The following DPP6 variants were observed in gnomAD, a reference collection of about 807,000 sequenced individuals.
The protein encoded by DPP6 is A-type potassium channel modulatory protein DPP6.
A neutral mutation model predicts 122.6 loss-of-function variants in DPP6; 69 were observed. The ratio of observed to expected loss-of-function variants is 0.56; its 90% confidence interval spans 0.46 to 0.69. The LOEUF is 0.69. DPP6 is among the 30% of genes least tolerant of loss of function. The pLI is 0.00. For synonymous variants in DPP6, 418 were observed against 433.1 expected, an observed-to-expected ratio of 0.97 and a Z score of 0.43; for missense variants, 928 against 1,116.9, an observed-to-expected ratio of 0.83 and a Z score of 2.41.
At chr7:154,611,855 A>ATGTGTG (rs545017220) in intron 5 of DPP6, among the ~76,000 whole-genome samples, 2 of 72,352 alleles carry the variant, frequency 2.8e-5, no homozygotes, top group Non-Finnish European at 3.5e-5. Context: ...GCTTTCATAT[A>ATGTGTG]TGTGTGTGTG....
Position 154,669,377 on chromosome 7 carries a change from A to G in DPP6, c.698A>G (p.Asp233Gly). 6.4e-7 allele frequency: 1 copy of G among 1,555,230 alleles called. No individual in the cohort carries two copies. The highest frequency in any genetic ancestry group is 2.4e-5 in the East Asian group (1 of 41,418). Reference protein sequence around the residue: ...KIPHGDPQSLDPPEVSNAKLQ... With the variant: ...KIPHGDPQSLGPPEVSNAKLQ... Reference sequence around the variant, plus strand: ...ATTTTCAGGGATCCTCAAAGTCTGGACCCACCAGAAGTCAGCAATGCAAAA... The same window carrying G: ...ATTTTCAGGGATCCTCAAAGTCTGGGCCCACCAGAAGTCAGCAATGCAAAA... The change falls in exon 7 of 26, where the codon GAC becomes GGC. Residue 233 changes from aspartate to glycine, a missense_variant. Asp to Gly is a moderately conservative substitution (Grantham distance 94). Coordinates refer to ENST00000377770, the MANE Select transcript of DPP6 (RefSeq NM_130797.4).
intron 1 of DPP6, among the ~76,000 whole-genome samples, chr7:153,894,677 G>A (rs1270418064): frequency 2.0e-5 from 3 of 152,046 alleles, no homozygotes; most frequent in Non-Finnish European, 4.4e-5. Context: ...TCCTGCCCCC[G>A]ACCTCTTCCC....
chr7:154,054,281 G>A (rs746265262), intron 1 of DPP6, among the ~76,000 whole-genome samples: 1 of 152,170 alleles, frequency 6.6e-6, no homozygotes, highest in East Asian at 1.9e-4. Flanking sequence ...TCCCTGTTTC[G>A]TATTTCTTTA....
intron 17 of DPP6, among the ~76,000 whole-genome samples, chr7:154,856,433 G>T (rs1207749374): frequency 6.6e-6 from 1 of 152,122 alleles, no homozygotes; most frequent in African/African-American, 2.4e-5. Context: ...CTGTATCTTA[G>T]GTGTGTGTGA....
At chr7:154,021,977 C>G (rs1798723897) in intron 1 of DPP6, among the ~76,000 whole-genome samples, 1 of 152,138 alleles carries the variant, frequency 6.6e-6, no homozygotes, top group South Asian at 2.1e-4. Flanking sequence ...AAGTTGATAT[C>G]CAGAATTCGC....
chr7:154,183,751 C>T (rs1372178186), intron 1 of DPP6, among the ~76,000 whole-genome samples: 4 of 152,212 alleles, frequency 2.6e-5, no homozygotes, highest in Non-Finnish European at 5.9e-5. Flanking sequence ...ACCCCACAGG[C>T]GCAGTCAGTG....
chr7:154,544,766 G>T (rs931565103), intron 4 of DPP6, among the ~76,000 whole-genome samples: 2 of 152,172 alleles, frequency 1.3e-5, no homozygotes, highest in African/African-American at 2.4e-5. Flanking sequence ...TGGAATGTGG[G>T]TATATGCCAC....
intron 8 of DPP6, among the ~76,000 whole-genome samples, chr7:154,741,113 G>A (rs1369658256): frequency 3.3e-5 from 5 of 152,164 alleles, no homozygotes; most frequent in Non-Finnish European, 7.3e-5. Context: ...AAGAGGATGC[G>A]AGGAGTCAGA....
the DPP6 span, among the ~76,000 whole-genome samples, chr7:153,799,005 G>T: frequency 6.6e-6 from 1 of 152,194 alleles, no homozygotes; most frequent in African/African-American, 2.4e-5. Context: ...GCAATGGGGA[G>T]TGGCTATAAA....
intron 3 of DPP6, among the ~76,000 whole-genome samples, chr7:154,500,327 T>G (rs1213433607): frequency 6.6e-6 from 1 of 152,346 alleles, no homozygotes; most frequent in South Asian, 2.1e-4. Flanking sequence ...ATGACTTTTG[T>G]TATGGGAATT....
chr7:154,151,789 C>T (rs200658668), intron 1 of DPP6, among the ~76,000 whole-genome samples: 34 of 149,190 alleles, frequency 2.3e-4, no homozygotes, highest in African/African-American at 5.3e-4. Flanking sequence ...ATCATGCTCC[C>T]CAATAATCCC....
At chr7:154,314,581 CT>C (rs1807265967) in intron 1 of DPP6, among the ~76,000 whole-genome samples, 1 of 152,232 alleles carries the variant, frequency 6.6e-6, no homozygotes, top group Non-Finnish European at 1.5e-5. Flanking sequence ...CTTAGTGCCC[CT>C]GAGACGTGTC....
chr7:153,930,628 T>C, intron 1 of DPP6, among the ~76,000 whole-genome samples: 1 of 151,924 alleles, frequency 6.6e-6, no homozygotes, highest in East Asian at 1.9e-4. Context: ...TCTGAGAGAG[T>C]AGACTTTGTG....
At chr7:153,824,100 G>C in the DPP6 span, among the ~76,000 whole-genome samples, 3 of 152,138 alleles carry the variant, frequency 2.0e-5, no homozygotes, top group Non-Finnish European at 4.4e-5. Flanking sequence ...TCAGAAATAG[G>C]TATTGGGGTT....
At chr7:154,340,412 C>T (rs1585992587) in intron 1 of DPP6, among the ~76,000 whole-genome samples, 1 of 152,204 alleles carries the variant, frequency 6.6e-6, no homozygotes, top group Non-Finnish European at 1.5e-5. Flanking sequence ...TCTTTGCTTC[C>T]TCTCCATCCC....
chr7:154,758,425 G>A (rs1170885694), intron 8 of DPP6, among the ~76,000 whole-genome samples: 1 of 150,736 alleles, frequency 6.6e-6, no homozygotes, highest in African/African-American at 2.4e-5. Flanking sequence ...AGGCTGGAGT[G>A]CAGTGGCTCA....
chr7:154,484,955 C>T (rs1442265696), intron 3 of DPP6, among the ~76,000 whole-genome samples: 2 of 137,592 alleles, frequency 1.5e-5, no homozygotes, highest in Non-Finnish European at 3.2e-5. Context: ...GCTGAAAAAA[C>T]AGATGGGTTT....
At chr7:154,251,728 C>T (rs2150896843) in intron 1 of DPP6, among the ~76,000 whole-genome samples, 1 of 152,338 alleles carries the variant, frequency 6.6e-6, no homozygotes, top group East Asian at 1.9e-4. Flanking sequence ...GGACAGGAAG[C>T]ATCCAGCATG....
At chr7:153,791,144 G>T in the DPP6 span, among the ~76,000 whole-genome samples, 2 of 152,092 alleles carry the variant, frequency 1.3e-5, no homozygotes, top group African/African-American at 4.8e-5. Flanking sequence ...TTTTGTTGCC[G>T]TGTATTTTTG....
Sources: allele counts gnomAD v4.1 joint callset (sites outside exome capture counted in the v4.1 genomes callset), GRCh38; gene constraint gnomAD v4.1.1; transcripts MANE v1.5; gene names NCBI Gene and HGNC (gene_info 2026-07-23, HGNC 2026-07-21).